The following SSBP2 variants were observed in gnomAD, a reference collection of about 807,000 sequenced individuals.
The protein encoded by SSBP2 is single stranded DNA binding protein 2.
In SSBP2, 17 loss-of-function variants were observed where a neutral mutation model predicts 61.8. That is an observed-to-expected ratio of 0.28 (90% CI 0.19 to 0.41). The LOEUF (loss-of-function observed/expected upper bound fraction) is 0.41, where lower values mean the gene tolerates loss of function less well. Among genes scored for constraint, SSBP2 ranks in the 10% least tolerant of loss-of-function variants. The probability of loss-of-function intolerance (pLI) is 1.00; values close to 1 mark genes in which losing one functional copy is unlikely to be tolerated. For missense variants in SSBP2, 310 were observed against 458.7 expected (o/e 0.68, Z 2.96); for synonymous variants, 139 against 141.3 (o/e 0.98, Z 0.12).
At chr5:81,633,975 T>G (rs1747969963) in intron 3 of SSBP2, among the ~76,000 whole-genome samples, 1 of 152,234 alleles carries the variant, frequency 6.6e-6, no homozygotes, top group Non-Finnish European at 1.5e-5. Context: ...TAGAGTGACA[T>G]GGCTAAGATT....
At chr5:81,487,317 T>C (rs1766458696) in intron 6 of SSBP2, among the ~76,000 whole-genome samples, 1 of 152,192 alleles carries the variant, frequency 6.6e-6, no homozygotes, top group Non-Finnish European at 1.5e-5. Context: ...AAAAATTGTA[T>C]TTTATTCTCT....
intron 4 of SSBP2, among the ~76,000 whole-genome samples, chr5:81,614,136 G>A (rs961537208): frequency 6.6e-6 from 1 of 152,046 alleles, no homozygotes; most frequent in South Asian, 2.1e-4. Flanking sequence ...CGAGGCGGGC[G>A]GATCACGAGG....
At chr5:81,744,619 AAAAC>A (rs1757232848) in intron 1 of SSBP2, among the ~76,000 whole-genome samples, 1 of 152,098 alleles carries the variant, frequency 6.6e-6, no homozygotes, top group African/African-American at 2.4e-5. Flanking sequence ...TAGAAAAAAA[AAAAC>A]AAAGGGCTAT....
At chr5:81,749,676 A>AG (rs146457727) in intron 1 of SSBP2, among the ~76,000 whole-genome samples, 12,698 of 136,902 alleles carry the variant, frequency 0.093, 957 homozygotes, top group East Asian at 0.35. Context: ...TAAAAAAAAA[A>AG]GGGGGGGGTT....
intron 1 of SSBP2, among the ~76,000 whole-genome samples, chr5:81,681,449 G>A (rs1393473207): frequency 1.3e-5 from 2 of 151,054 alleles, no homozygotes; most frequent in East Asian, 1.9e-4. Context: ...GAACCCAACA[G>A]GCAGAGGTTG....
At chr5:81,736,763 T>C (rs1008259892) in intron 1 of SSBP2, among the ~76,000 whole-genome samples, 1 of 152,188 alleles carries the variant, frequency 6.6e-6, no homozygotes, top group Non-Finnish European at 1.5e-5. Context: ...TTCTCATTTG[T>C]CCCTTCTACC....
At chr5:81,650,734 A>T (rs1410796891) in intron 1 of SSBP2, among the ~76,000 whole-genome samples, 4 of 152,112 alleles carry the variant, frequency 2.6e-5, no homozygotes, top group Non-Finnish European at 5.9e-5. Flanking sequence ...TATGTCCTTC[A>T]ATCTTTTTGG....
chr5:81,711,600 A>T (rs1754779669), intron 1 of SSBP2, among the ~76,000 whole-genome samples: 1 of 152,242 alleles, frequency 6.6e-6, no homozygotes, highest in Admixed American at 6.5e-5. Context: ...ATCTTCAGAT[A>T]TATCACCAAC....
At chr5:81,684,391 G>A (rs765377717) in intron 1 of SSBP2, among the ~76,000 whole-genome samples, 1 of 152,132 alleles carries the variant, frequency 6.6e-6, no homozygotes, top group Admixed American at 6.5e-5. Flanking sequence ...ATCTGGAAAA[G>A]GCAAAACTAT....
chr5:81,546,215 G>A (rs7721321), intron 4 of SSBP2, among the ~76,000 whole-genome samples: 63,107 of 152,020 alleles, frequency 0.42, 16,174 homozygotes, highest in African/African-American at 0.73. Flanking sequence ...AGGAAGCTAT[G>A]CCACACATAA....
chr5:81,531,857 G>GGT (rs2154106336), intron 4 of SSBP2, among the ~76,000 whole-genome samples: 1 of 152,060 alleles, frequency 6.6e-6, no homozygotes, highest in African/African-American at 2.4e-5. Context: ...GAAAGGAAGA[G>GGT]GGCACCTCTT....
In SSBP2 at chr5:81,416,478, G is replaced by C. The variant is rs1761316515; in HGVS notation, c.*4026C>G. On this transcript the variant is annotated 3_prime_UTR_variant, in exon 17 of 17. Transcript: ENST00000320672. ...TTTCTCCTGGAAGATGCAGGGATTG[G>C]GAGGGAGGCAAGGATAAAGCCACGG... 1 of 152,380 alleles carries C rather than the reference G, an allele frequency of 6.6e-6. No individual in the cohort carries two copies. Among genetic ancestry groups the C allele is most frequent in the East Asian group, 1.9e-4 (1 of 5,200 alleles). 9.4% of individuals were successfully genotyped at this position (152,380 alleles called of 1,614,324 possible).
intron 1 of SSBP2, among the ~76,000 whole-genome samples, chr5:81,706,186 A>G (rs1754380036): frequency 6.6e-6 from 1 of 152,194 alleles, no homozygotes; most frequent in Admixed American, 6.5e-5. Context: ...TTGCAGCAAC[A>G]TGGATGCAGC....
intron 1 of SSBP2, among the ~76,000 whole-genome samples, chr5:81,691,973 C>T (rs1057391561): frequency 5.3e-5 from 8 of 152,264 alleles, no homozygotes; most frequent in African/African-American, 1.9e-4. Flanking sequence ...CCACTTTCAC[C>T]ACTGTTATTC....
intron 4 of SSBP2, among the ~76,000 whole-genome samples, chr5:81,582,446 A>G (rs573463587): frequency 2.0e-5 from 3 of 152,194 alleles, no homozygotes; most frequent in Non-Finnish European, 4.4e-5. Context: ...CTCAATTTTT[A>G]TATTAGATTT....
intron 1 of SSBP2, among the ~76,000 whole-genome samples, chr5:81,710,988 T>A (rs925584432): frequency 6.6e-6 from 1 of 152,106 alleles, no homozygotes; most frequent in Non-Finnish European, 1.5e-5. Context: ...GGCAAGGAAC[T>A]GTATGTTTGT....
chr5:81,438,325 T>C (rs1762800607), intron 14 of SSBP2, among the ~76,000 whole-genome samples: 1 of 144,468 alleles, frequency 6.9e-6, no homozygotes, highest in Admixed American at 7.1e-5. Context: ...CACTCCAGTG[T>C]AGGTGACAGA....
chr5:81,439,498 TTTTC>T (rs1404430547), intron 14 of SSBP2, among the ~76,000 whole-genome samples: 1 of 113,378 alleles, frequency 8.8e-6, no homozygotes, highest in African/African-American at 6.2e-5. Flanking sequence ...ATAAAGTATG[TTTTC>T]TTTTTCTTTT....
intron 4 of SSBP2, among the ~76,000 whole-genome samples, chr5:81,578,860 A>T (rs1774432418): frequency 6.6e-6 from 1 of 151,984 alleles, no homozygotes; most frequent in South Asian, 2.1e-4. Flanking sequence ...GGAAAATACT[A>T]ACAAAATGCC....
Sources: gnomAD v4.1 joint callset for allele counts (sites outside exome capture counted in the v4.1 genomes callset) on GRCh38, gnomAD v4.1.1 for gene constraint, MANE v1.5 for transcripts, NCBI Gene and HGNC (gene_info 2026-07-23, HGNC 2026-07-21) for gene names.